The following ZNF623 variants were observed in gnomAD, a reference collection of about 807,000 sequenced individuals.
ZNF623 encodes zinc finger protein 623.
ZNF623 carries 16 observed loss-of-function variants against 24.0 expected under a neutral mutation model. The observed-to-expected ratio is 0.67, with a 90% CI of 0.45 to 1.01. ZNF623 has a LOEUF of 1.01. Ranked by LOEUF, ZNF623 falls within the 50% of genes least tolerant of loss-of-function variation. The probability of loss-of-function intolerance (pLI) is 0.00; values close to 1 mark genes in which losing one functional copy is unlikely to be tolerated. For missense variants in ZNF623, 566 were observed against 606.5 expected, an observed-to-expected ratio of 0.93 and a Z score of 0.70; for synonymous variants, 224 against 219.8, an observed-to-expected ratio of 1.02 and a Z score of -0.17.
At chr8:143,637,062 C>G (rs1814940747) in intron 1 of ZNF623, among the ~76,000 whole-genome samples, 1 of 152,230 alleles carries the variant, frequency 6.6e-6, no homozygotes, top group African/African-American at 2.4e-5. Flanking sequence ...GAGCCCTGAG[C>G]AGCATGCCGG....
chr8:143,646,152 C>T (rs1418628898), intron 1 of ZNF623, among the ~76,000 whole-genome samples: 2 of 152,104 alleles, frequency 1.3e-5, no homozygotes, highest in Non-Finnish European at 2.9e-5. Context: ...AGTGATCCTC[C>T]TGACTTAGCC....
intron 1 of ZNF623, among the ~76,000 whole-genome samples, chr8:143,642,877 C>A (rs1000014832): frequency 1.3e-5 from 2 of 152,126 alleles, no homozygotes; most frequent in Non-Finnish European, 2.9e-5. Context: ...CTGAGGTGGT[C>A]TCTTAGATTC....
chr8:143,643,751 T>G (rs188701599), intron 1 of ZNF623, among the ~76,000 whole-genome samples: 1,531 of 152,384 alleles, frequency 0.01, 20 homozygotes, highest in South Asian at 0.02. Context: ...TGAGCTCTTT[T>G]GTGCCTGGCT....
At position 143,651,019 on chromosome 8, in the gene ZNF623, G is replaced by C; in HGVS notation, c.1027G>C (p.Ala343Pro). 1 of 1,614,196 alleles carries C rather than the reference G, an allele frequency of 6.2e-7. No individual in the cohort carries two copies. Among genetic ancestry groups the C allele is most frequent in the South Asian group, 1.1e-5 (1 of 91,080 alleles). Residue 343 changes from alanine (A) to proline (P), a missense_variant, in exon 2 of 2, where the codon GCT (alanine) becomes CCT (proline). Ala to Pro is a conservative substitution (Grantham distance 27, BLOSUM62 -1). Coordinates refer to ENST00000526926, the MANE Select transcript of ZNF623 (RefSeq NM_001261843.2). ...CTATGAATGTAACGAGTGTGGGAAA[G>C]CTTTCTTTCTGAGTTCATACCTTAT... ...KLYECNECGK[A>P]FFLSSYLIRH...
intron 1 of ZNF623, among the ~76,000 whole-genome samples, chr8:143,638,792 C>T (rs1211358389): frequency 1.3e-5 from 2 of 151,812 alleles, no homozygotes; most frequent in East Asian, 1.9e-4. Flanking sequence ...AAAAAATAAA[C>T]AGCTTGTTTC....
intron 1 of ZNF623, among the ~76,000 whole-genome samples, chr8:143,642,146 T>G (rs1433569455): frequency 6.6e-6 from 1 of 152,234 alleles, no homozygotes; most frequent in Admixed American, 6.5e-5. Context: ...CTTAGCTAGA[T>G]CTGGAGAACT....
In ZNF623 at chr8:143,652,952, T is replaced by TTAAGTG. The variant is rs1372469988; in HGVS notation, c.*1474_*1475insGTAAGT. 1 of 166,700 alleles carries TTAAGTG rather than the reference T, an allele frequency of 6.0e-6. No homozygotes were observed. The highest frequency in any genetic ancestry group is 1.5e-5 in the Non-Finnish European group (1 of 68,074). The allele number at this position is 166,700 out of a possible 1,614,324, so 10.3% of individuals were successfully genotyped here. A position where few individuals can be genotyped will look rare whatever the true frequency, so the allele number is the denominator to read the frequency against. On this transcript the variant is annotated 3_prime_UTR_variant, in exon 2 of 2. Coordinates refer to ENST00000526926, the MANE Select transcript of ZNF623 (RefSeq NM_001261843.2). Reference sequence around the variant, plus strand: ...AAGACGGAGATCACAGTAGGGTGAGTTAAGTATGTGCCCTCAGGTGTGAAG... The same window carrying TTAAGTG: ...AAGACGGAGATCACAGTAGGGTGAGTTAAGTGTAAGTATGTGCCCTCAGGTGTGAAG...
At chr8:143,648,789 A>T (rs778719332) in intron 1 of ZNF623, among the ~76,000 whole-genome samples, 4 of 152,042 alleles carry the variant, frequency 2.6e-5, no homozygotes, top group Non-Finnish European at 5.9e-5. Context: ...GAGACGTGGG[A>T]GGCAGTGGAT....
intron 1 of ZNF623, among the ~76,000 whole-genome samples, chr8:143,649,100 AC>A (rs1587332090): frequency 6.6e-6 from 1 of 151,570 alleles, no homozygotes; most frequent in East Asian, 1.9e-4. Flanking sequence ...ACACGGTAAA[AC>A]CCCGTCTCTA....
At chr8:143,638,056 G>C (rs554136556) in intron 1 of ZNF623, among the ~76,000 whole-genome samples, 1 of 152,172 alleles carries the variant, frequency 6.6e-6, no homozygotes, top group Admixed American at 6.5e-5. Context: ...TTTCCTTTTT[G>C]AGATAACTGT....
At chr8:143,642,858 G>A (rs1178412096) in intron 1 of ZNF623, among the ~76,000 whole-genome samples, 1 of 152,110 alleles carries the variant, frequency 6.6e-6, no homozygotes, top group Non-Finnish European at 1.5e-5. Context: ...GGGTGTGGAG[G>A]GCAGAGTTCT....
In ZNF623 at chr8:143,649,964, A is replaced by G. The variant is rs776633445; in HGVS notation, c.-29A>G. 7 of 1,614,156 alleles carry G rather than the reference A, an allele frequency of 4.3e-6. No individual in the cohort carries two copies. Among genetic ancestry groups the G allele is most frequent in the Middle Eastern group, 1.7e-4 (1 of 6,060 alleles). ...TGGATTTCTGAGGATGAAAACTCAC[A>G]TAGGACGACGTCAGACAGACTCACG... is the stretch of plus-strand genomic sequence containing the variant. On this transcript the variant is annotated 5_prime_UTR_variant, in exon 2 of 2. Coordinates refer to ENST00000526926, the MANE Select transcript of ZNF623 (RefSeq NM_001261843.2).
In ZNF623 at chr8:143,649,966, A is replaced by T. The variant is rs1257411254; in HGVS notation, c.-27A>T. 2 of 1,614,046 alleles carry T rather than the reference A, an allele frequency of 1.2e-6. No individual in the cohort carries two copies. Among genetic ancestry groups the T allele is most frequent in the Non-Finnish European group, 8.5e-7 (1 of 1,179,988 alleles). On this transcript the variant is annotated 5_prime_UTR_variant, in exon 2 of 2. Transcript: ENST00000526926. ...GATTTCTGAGGATGAAAACTCACATAGGACGACGTCAGACAGACTCACGGT... is the reference window on the plus strand; with the variant it reads ...GATTTCTGAGGATGAAAACTCACATTGGACGACGTCAGACAGACTCACGGT...
intron 1 of ZNF623, among the ~76,000 whole-genome samples, chr8:143,638,202 G>A (rs962636266): frequency 5.9e-5 from 9 of 151,980 alleles, no homozygotes; most frequent in Non-Finnish European, 1.3e-4. Flanking sequence ...TTAGCCAGGT[G>A]TGGTGGCACG....
At position 143,650,105 on chromosome 8, in the gene ZNF623, G is replaced by A. The variant is rs1815261809; in HGVS notation, c.113G>A (p.Cys38Tyr). 3.7e-6 allele frequency: 6 copies of A among 1,614,172 alleles called. No homozygotes were observed. In the African/African-American group the frequency reaches 5.3e-5, roughly 14 times the overall value. ...AGTTCCCCCTCTCAGGACAGGGGCTGCAAGCAGGTGACAGTGACCCATTGG... is the reference window on the plus strand; with the variant it reads ...AGTTCCCCCTCTCAGGACAGGGGCTACAAGCAGGTGACAGTGACCCATTGG... ...LGSSPSQDRGCKQVTVTHWKI... is the reference protein window; with the variant it reads ...LGSSPSQDRGYKQVTVTHWKI... The change falls in exon 2 of 2, where the codon TGC becomes TAC. Residue 38 changes from cysteine to tyrosine, a missense_variant. Coordinates refer to ENST00000526926, the MANE Select transcript of ZNF623 (RefSeq NM_001261843.2). This position sits in a 1 kb window ranked among gnomAD's most constrained non-coding sequence, Gnocchi z 5.2.
intron 1 of ZNF623, among the ~76,000 whole-genome samples, chr8:143,646,388 C>A (rs567591385): frequency 6.6e-6 from 1 of 152,124 alleles, no homozygotes; most frequent in East Asian, 1.9e-4. Context: ...TTAGAACATT[C>A]ATTCATACAG....
At chr8:143,645,375 T>A (rs1250757186) in intron 1 of ZNF623, among the ~76,000 whole-genome samples, 2 of 149,668 alleles carry the variant, frequency 1.3e-5, no homozygotes, top group African/African-American at 5.0e-5. Context: ...GAGCCTGCAG[T>A]GAGCTGAGAT....
chr8:143,650,430 A>G lies in ZNF623; in HGVS notation c.438A>G (p.Lys146=), dbSNP rs1815273427. 6.2e-7 allele frequency: 1 copy of G among 1,614,012 alleles called. No individual in the cohort carries two copies. Among genetic ancestry groups the G allele is most frequent in the Admixed American group, 1.7e-5 (1 of 59,998 alleles). The change falls in exon 2 of 2, where the codon AAA becomes AAG. Residue 146 remains lysine (K), a synonymous_variant. Transcript: ENST00000526926. The surrounding 1 kb of genome is among the most constrained non-coding windows in gnomAD (Gnocchi z 5.2). ...ERLYVCNVCG[K]DFIHYSGLIE... The stretch of plus-strand genomic sequence containing the variant: ...TCTACGTCTGTAATGTGTGTGGGAA[A>G]GACTTCATTCACTATTCAGGTCTCA...
intron 1 of ZNF623, among the ~76,000 whole-genome samples, chr8:143,646,202 C>T (rs1815172880): frequency 6.6e-6 from 1 of 152,052 alleles, no homozygotes; most frequent in Non-Finnish European, 1.5e-5. Context: ...ACATCACACC[C>T]AGCTAAATAA....
Sources: allele counts gnomAD v4.1 joint callset (sites outside exome capture counted in the v4.1 genomes callset), GRCh38; gene constraint gnomAD v4.1.1; non-coding constraint Gnocchi (gnomAD v3.1); transcripts MANE v1.5; gene names NCBI Gene and HGNC (gene_info 2026-07-23, HGNC 2026-07-21).